TSHZ2: variants seen among roughly 807,000 people sequenced by gnomAD.
TSHZ2 encodes teashirt homolog 2.
TSHZ2 carries 21 observed loss-of-function variants against 74.4 expected under a neutral mutation model. The observed-to-expected ratio is 0.28, with a 90% CI of 0.20 to 0.41. The LOEUF (loss-of-function observed/expected upper bound fraction) is 0.41, where lower values mean the gene tolerates loss of function less well. TSHZ2 is among the 10% of genes least tolerant of loss of function. The pLI is 1.00. For missense variants in TSHZ2, 1,244 were observed against 1,293.5 expected (o/e 0.96, Z 0.59); for synonymous variants, 540 against 515.3 (o/e 1.05, Z -0.65).
At chr20:53,121,973 A>G (rs1986822434) in intron 1 of TSHZ2, among the ~76,000 whole-genome samples, 1 of 152,128 alleles carries the variant, frequency 6.6e-6, no homozygotes. Flanking sequence ...ACCAATATTG[A>G]TAGTATTTGA....
At chr20:53,192,061 T>C (rs1400094176) in intron 1 of TSHZ2, among the ~76,000 whole-genome samples, 1 of 152,184 alleles carries the variant, frequency 6.6e-6, no homozygotes, top group African/African-American at 2.4e-5. Flanking sequence ...CATTCAGTGC[T>C]TAAAGTATGT....
In TSHZ2 at chr20:53,140,303, G is replaced by C. The variant is rs564308127; in HGVS notation, c.41-113196G>C. Among the ~76,000 whole-genome samples, 43 of 152,182 alleles carry C rather than the reference G, an allele frequency of 2.8e-4. 1 individual carries two copies. The East Asian group carries it at 7.7e-3, about 27-fold the overall frequency. On this transcript the variant is annotated intron_variant, in intron 1 of 2. Coordinates refer to ENST00000371497, the MANE Select transcript of TSHZ2 (RefSeq NM_173485.6). ...CGCCTGTAATCCCAGCACTTTGGGAGGCTGAGGCGGGCAGATCACGAGGTC... is the reference window on the plus strand; with the variant it reads ...CGCCTGTAATCCCAGCACTTTGGGACGCTGAGGCGGGCAGATCACGAGGTC...
In TSHZ2 at chr20:53,172,156, T is replaced by C. The variant is rs147534062; in HGVS notation, c.41-81343T>C. Among the ~76,000 whole-genome samples the C allele has an allele frequency of 3.4e-3, 521 of 152,360 alleles. 2 individuals carry two copies. Among genetic ancestry groups the C allele is most frequent in the African/African-American group, 0.012 (501 of 41,596 alleles). ...ATTATAAAGCAATGTCTATCTACTT[T>C]AAACTCTGAACCATATCAATTTTGG... On this transcript the variant is annotated intron_variant, in intron 1 of 2. Transcript: ENST00000371497.
chr20:52,990,912 C>T (rs945383932), intron 1 of TSHZ2, among the ~76,000 whole-genome samples: 1 of 152,110 alleles, frequency 6.6e-6, no homozygotes, highest in Non-Finnish European at 1.5e-5. Flanking sequence ...ATTGAGAACA[C>T]TGTGTGTATA....
intron 1 of TSHZ2, among the ~76,000 whole-genome samples, chr20:53,062,813 G>A (rs1056377819): frequency 2.0e-5 from 3 of 152,148 alleles, no homozygotes; most frequent in African/African-American, 7.2e-5. Context: ...GTTGGCACAA[G>A]AGGCCTAGCT....
At chr20:53,016,481 G>A (rs1983043581) in intron 1 of TSHZ2, among the ~76,000 whole-genome samples, 1 of 152,178 alleles carries the variant, frequency 6.6e-6, no homozygotes. Context: ...CAATTAAAGT[G>A]AACAGAGCCT....
chr20:53,065,543 C>T (rs1204302789), intron 1 of TSHZ2, among the ~76,000 whole-genome samples: 1 of 152,182 alleles, frequency 6.6e-6, no homozygotes, highest in Non-Finnish European at 1.5e-5. Context: ...ATCTGCAGAA[C>T]AAGGCATGTG....
At chr20:53,134,552 G>T (rs900136095) in intron 1 of TSHZ2, among the ~76,000 whole-genome samples, 2 of 151,908 alleles carry the variant, frequency 1.3e-5, no homozygotes, top group Non-Finnish European at 2.9e-5. Flanking sequence ...TGTATCTCAG[G>T]ATTTTGACTT....
chr20:53,164,239 G>A (rs1350853633), intron 1 of TSHZ2, among the ~76,000 whole-genome samples: 1 of 151,956 alleles, frequency 6.6e-6, no homozygotes, highest in Non-Finnish European at 1.5e-5. Flanking sequence ...TATTTCTCTG[G>A]ATTTTTATTA....
Position 53,158,374 on chromosome 20 carries a change from G to A in TSHZ2, c.41-95125G>A, listed in dbSNP as rs745806819. Among the ~76,000 whole-genome samples, 57 of 152,282 alleles carry A rather than the reference G, an allele frequency of 3.7e-4. No individual in the cohort carries two copies. In the Middle Eastern group the frequency reaches 0.014, roughly 36 times the overall value. On this transcript the variant is annotated intron_variant, in intron 1 of 2. Transcript: ENST00000371497. ...CCTGTGAGCAGGTTGACTGCACACC[G>A]GTGGATGGACCGTGGTGGGGGTGAG...
chr20:52,990,390 G>A lies in TSHZ2; in HGVS notation c.40+17057G>A, dbSNP rs16997395. On this transcript the variant is annotated intron_variant, in intron 1 of 2. Transcript: ENST00000371497. The stretch of plus-strand genomic sequence containing the variant: ...CCTGCTTGGCTTAAGTACGCTGAAC[G>A]TAAATAAAATATATCAATAATCCCA... Among the ~76,000 whole-genome samples the A allele has an allele frequency of 7.6e-3, 993 of 129,876 alleles. 16 individuals carry two copies. The highest frequency in any genetic ancestry group is 0.027 in the African/African-American group (937 of 34,820). The allele number at this position is 129,876 out of a possible 152,430, so 85.2% of individuals were successfully genotyped here.
intron 1 of TSHZ2, among the ~76,000 whole-genome samples, chr20:53,066,114 T>C (rs1984975357): frequency 6.6e-6 from 1 of 152,130 alleles, no homozygotes. Flanking sequence ...AGTCTTCTGC[T>C]CCTGCGTCAT....
intron 1 of TSHZ2, among the ~76,000 whole-genome samples, chr20:53,077,474 A>G (rs1985404731): frequency 6.6e-6 from 1 of 151,962 alleles, no homozygotes; most frequent in Non-Finnish European, 1.5e-5. Context: ...GTGAGAGTGA[A>G]TTAGTTTTGT....
At chr20:53,291,070 A>G (rs1991268587) in intron 2 of TSHZ2, among the ~76,000 whole-genome samples, 1 of 152,192 alleles carries the variant, frequency 6.6e-6, no homozygotes, top group Non-Finnish European at 1.5e-5. Flanking sequence ...ATGTGAGCGT[A>G]GGGGAGAAAG....
chr20:53,483,342 G>A (rs184279136), intron 2 of TSHZ2, among the ~76,000 whole-genome samples: 1 of 152,228 alleles, frequency 6.6e-6, no homozygotes, highest in Middle Eastern at 3.4e-3. Context: ...CTGAGCCCAG[G>A]AGGCTCTACA....
Position 53,110,880 on chromosome 20 carries a change from C to T in TSHZ2, c.40+137547C>T, listed in dbSNP as rs144893914. 3.5e-4 allele frequency among the ~76,000 whole-genome samples: 53 copies of T among 151,676 alleles called. No homozygotes were observed. In the East Asian group the frequency reaches 9.4e-3, roughly 27 times the overall value. On this transcript the variant is annotated intron_variant, in intron 1 of 2. Transcript: ENST00000371497. ...GGTTCTGGAAGATGCAGCTGAGTCC[C>T]ATTTTGGGCATACTGAGTCAGATGC...
chr20:53,350,019 C>T (rs1980588711), intron 2 of TSHZ2, among the ~76,000 whole-genome samples: 1 of 152,194 alleles, frequency 6.6e-6, no homozygotes. Flanking sequence ...ATTACTCCAA[C>T]CTCTTCTGCC....
At chr20:53,159,283 G>A (rs900549659) in intron 1 of TSHZ2, among the ~76,000 whole-genome samples, 1 of 152,214 alleles carries the variant, frequency 6.6e-6, no homozygotes, top group African/African-American at 2.4e-5. Flanking sequence ...CTATAGTGGA[G>A]TCAGCAAAGT....
intron 1 of TSHZ2, among the ~76,000 whole-genome samples, chr20:52,987,658 C>CTCT (rs1227329524): frequency 6.6e-6 from 1 of 152,130 alleles, no homozygotes; most frequent in African/African-American, 2.4e-5. Flanking sequence ...TATAAGAAGG[C>CTCT]TCTCTATTGT....
Sources: gnomAD v4.1 joint callset for allele counts (sites outside exome capture counted in the v4.1 genomes callset) on GRCh38, gnomAD v4.1.1 for gene constraint, MANE v1.5 for transcripts, NCBI Gene and HGNC (gene_info 2026-07-23, HGNC 2026-07-21) for gene names.